Variants in C8orf58 observed in about 807,000 individuals in gnomAD.
C8orf58 encodes the protein uncharacterized protein C8orf58.
A neutral mutation model predicts 36.8 loss-of-function variants in C8orf58; 31 were observed. That is an observed-to-expected ratio of 0.84 (90% CI 0.63 to 1.14). The LOEUF (loss-of-function observed/expected upper bound fraction) is 1.14, where lower values mean the gene tolerates loss of function less well. Ranked by LOEUF, C8orf58 falls within the 50% of genes most tolerant of loss-of-function variation. The pLI is 0.00. For missense variants in C8orf58, 538 were observed against 480.8 expected, an observed-to-expected ratio of 1.12 and a Z score of -1.11; for synonymous variants, 230 against 200.2, an observed-to-expected ratio of 1.15 and a Z score of -1.26.
In C8orf58 at chr8:22,601,114, G is replaced by A; in HGVS notation, c.273G>A (p.Leu91=). The change falls in exon 2 of 7, where the codon CTG becomes CTA. Residue 91 remains leucine (L), a synonymous_variant. Transcript: ENST00000289989. ...TACCGGGCCTTTCTCAGGACTCCCT[G>A]GACTTTGAATCCTCAGGGAGTTCTG... The part of the protein sequence containing the change: ...AALPGLSQDS[L]DFESSGSSEP... 1 of 1,612,314 alleles carries A rather than the reference G, an allele frequency of 6.2e-7. No homozygotes were observed. Among genetic ancestry groups the A allele is most frequent in the South Asian group, 1.1e-5 (1 of 91,046 alleles).
intron 6 of C8orf58, 151 bp from the exon 7 acceptor site, chr8:22,603,044 C>T: frequency 1.6e-6 from 1 of 630,130 alleles, no homozygotes; most frequent in Non-Finnish European, 2.8e-6. Flanking sequence ...GAATCGTTCT[C>T]CAGGAGGAAG....
In C8orf58 at chr8:22,600,862, G is replaced by A. The variant is rs978364857; in HGVS notation, c.41-20G>A. The A allele has an allele frequency of 1.3e-5, 21 of 1,574,300 alleles. No homozygotes were observed. Among genetic ancestry groups the A allele is most frequent in the Non-Finnish European group, 1.8e-5 (21 of 1,160,626 alleles). On this transcript the variant is annotated intron_variant, in intron 1 of 6. Coordinates refer to ENST00000289989, the MANE Select transcript of C8orf58 (RefSeq NM_001013842.3). Reference sequence around the variant, plus strand: ...GTGTTGGGGGTGGCCTGCCCAGCCTGACGCTGACTCTCCATGCAGATGGGG... The same window carrying A: ...GTGTTGGGGGTGGCCTGCCCAGCCTAACGCTGACTCTCCATGCAGATGGGG...
intron 1 of C8orf58, chr8:22,600,507 C>T (rs1237409723): frequency 1.2e-5 from 3 of 245,832 alleles, no homozygotes; most frequent in South Asian, 6.0e-5. Flanking sequence ...AAGCTGGATA[C>T]AGTCCTACTC....
chr8:22,603,159 C>T, intron 6 of C8orf58, 36 bp from the exon 7 acceptor site: 2 of 1,473,272 alleles, frequency 1.4e-6, no homozygotes, highest in Non-Finnish European at 1.9e-6. Context: ...GTTTTATTTC[C>T]CCCTTCTAGC....
intron 1 of C8orf58, 182 bp downstream of exon 1, chr8:22,599,942 G>A: frequency 2.7e-6 from 1 of 369,662 alleles, no homozygotes; most frequent in Non-Finnish European, 4.8e-6. Context: ...ACGCCATGCA[G>A]GCTGGAACCC....
rs778491158 is a variant in C8orf58, at chr8:22,601,085, G to A, written c.244G>A (p.Ala82Thr). 2.4e-5 allele frequency: 38 copies of A among 1,612,472 alleles called. No individual in the cohort carries two copies. The highest frequency in any genetic ancestry group is 3.2e-5 in the Non-Finnish European group (38 of 1,180,010). Residue 82 changes from alanine (A) to threonine (T), a missense_variant, in exon 2 of 7, where the codon GCC becomes ACC. Coordinates refer to ENST00000289989, the MANE Select transcript of C8orf58 (RefSeq NM_001013842.3). ...GGCAGTTGGGGACAGCCCCCTGGCC[G>A]CCTTACCGGGCCTTTCTCAGGACTC... Reference protein sequence around the residue: ...EMAVGDSPLAALPGLSQDSLD... With the variant: ...EMAVGDSPLATLPGLSQDSLD...
At chr8:22,602,830 G>GT in intron 6 of C8orf58, 187 bp downstream of exon 6, 1 of 586,048 alleles carries the variant, frequency 1.7e-6, no homozygotes, top group South Asian at 2.2e-5. Context: ...TCTGGGTGGG[G>GT]TTGGGGGTAG....
intron 1 of C8orf58, 133 bp from the exon 2 acceptor site, chr8:22,600,749 G>A (rs1382904870): frequency 9.9e-6 from 7 of 704,068 alleles, no homozygotes; most frequent in Non-Finnish European, 1.6e-5. Flanking sequence ...TATCCGGGCT[G>A]CCCGTGGCTG....
At chr8:22,601,946 T>A (rs1016385124) in intron 3 of C8orf58, 26 bp from the exon 4 acceptor site, 4 of 1,544,836 alleles carry the variant, frequency 2.6e-6, no homozygotes, top group African/African-American at 1.4e-5. Context: ...AGCCAGGCCC[T>A]GATCACCTGT....
chr8:22,599,747 C>G lies in C8orf58; in HGVS notation c.27C>G (p.Ala9=). 1 of 1,219,520 alleles carries G rather than the reference C, an allele frequency of 8.2e-7. No individual in the cohort carries two copies. Among genetic ancestry groups the G allele is most frequent in the Non-Finnish European group, 1.0e-6 (1 of 980,044 alleles). 75.5% of individuals were successfully genotyped at this position (1,219,520 alleles called of 1,614,324 possible). Residue 9 remains alanine (A), a synonymous_variant, in exon 1 of 7, where the codon GCC becomes GCG. Transcript: ENST00000289989. MMGRRRAF[A]VDGRDGAGEG... is the part of the protein sequence containing the mutation. ...TGATGGGCCGGCGGCGCGCCTTCGCCGTGGACGGCCGGGGTGAGTCACCCA... is the reference window on the plus strand; with the variant it reads ...TGATGGGCCGGCGGCGCGCCTTCGCGGTGGACGGCCGGGGTGAGTCACCCA...
At position 22,599,655 on chromosome 8, in the gene C8orf58, C is replaced by T; in HGVS notation, c.-66C>T. On this transcript the variant is annotated 5_prime_UTR_variant, in exon 1 of 7. Coordinates refer to ENST00000289989, the MANE Select transcript of C8orf58 (RefSeq NM_001013842.3). ...ACGCGCTCCCTGAGCTGCCCGAGCT[C>T]CGCGGGGACTCGGGCCGGGATCCTC... 1 of 955,312 alleles carries T rather than the reference C, an allele frequency of 1.0e-6. No individual in the cohort carries two copies. The highest frequency in any genetic ancestry group is 1.3e-6 in the Non-Finnish European group (1 of 746,286). 59.2% of individuals were successfully genotyped at this position (955,312 alleles called of 1,614,324 possible). A position where few individuals can be genotyped will look rare whatever the true frequency, so the allele number is the denominator to read the frequency against.
chr8:22,601,443 G>GAGTGCCCCACC, intron 2 of C8orf58, 86 bp downstream of exon 2: 2 of 1,159,496 alleles, frequency 1.7e-6, no homozygotes, highest in Non-Finnish European at 2.4e-6. Context: ...TCTGGGTGGG[G>GAGTGCCCCACC]CACTCCCTGC....
chr8:22,601,670 C>T, intron 2 of C8orf58, 42 bp from the exon 3 acceptor site: 1 of 1,564,060 alleles, frequency 6.4e-7, no homozygotes. Context: ...AGGGCAGGAG[C>T]CCTACTGGCT....
At position 22,602,301 on chromosome 8, in the gene C8orf58, C is replaced by T. The variant is rs2117392949; in HGVS notation, c.868C>T (p.Gln290Ter). Residue 290 changes from glutamine (Q) to a stop codon, truncating the protein, a stop_gained, in exon 5 of 7, where the codon CAG (glutamine) becomes TAG (stop). Transcript: ENST00000289989. LOFTEE classifies it high-confidence loss of function. ...VEPTYHLPSS[Q>*]GHKRDISHWD... is the part of the protein sequence containing the mutation. ...GCCAACGTACCACTTGCCATCCTCC[C>T]AGGGACACAAGGTAGGGGACAGGTA... 4 of 1,588,820 alleles carry T rather than the reference C, an allele frequency of 2.5e-6. No individual in the cohort carries two copies. In the South Asian group the frequency reaches 4.5e-5, roughly 18 times the overall value.
At chr8:22,602,340 T>C (rs1232812122) in intron 5 of C8orf58, 28 bp downstream of exon 5, 1 of 223,908 alleles carries the variant, frequency 4.5e-6, no homozygotes. Context: ...GTGGGGCAGG[T>C]GGTGGGCTGG....
At position 22,601,093 on chromosome 8, in the gene C8orf58, G is replaced by A. The variant is rs757194612; in HGVS notation, c.252G>A (p.Pro84=). The A allele has an allele frequency of 8.7e-6, 14 of 1,612,448 alleles. No individual in the cohort carries two copies. In the East Asian group the frequency reaches 1.1e-4, roughly 13 times the overall value. ...AVGDSPLAAL[P]GLSQDSLDFE... ...GGGACAGCCCCCTGGCCGCCTTACC[G>A]GGCCTTTCTCAGGACTCCCTGGACT... Residue 84 remains proline, a synonymous_variant, in exon 2 of 7, where the codon CCG becomes CCA. Transcript: ENST00000289989.
chr8:22,603,596 TG>T lies in C8orf58; in HGVS notation c.*292del. 1 of 486,772 alleles carries T rather than the reference TG, an allele frequency of 2.1e-6. No individual in the cohort carries two copies. The highest frequency in any genetic ancestry group is 3.8e-6 in the Non-Finnish European group (1 of 265,150). 30.2% of individuals were successfully genotyped at this position (486,772 alleles called of 1,614,324 possible). ...TTGTCAGGTGTCCGTGGAGTGTTTT[TG>T]GCATGGTGACCTGTCTGGGCCCAGC... On this transcript the variant is annotated 3_prime_UTR_variant, in exon 7 of 7. Transcript: ENST00000289989.
intron 5 of C8orf58, 36 bp downstream of exon 5, chr8:22,602,348 T>C (rs1160605261): frequency 2.9e-5 from 4 of 136,992 alleles, no homozygotes; most frequent in Non-Finnish European, 6.1e-5. Flanking sequence ...GGTGGTGGGC[T>C]GGGGTGGGGG....
chr8:22,599,874 C>G, intron 1 of C8orf58, 114 bp downstream of exon 1: 1 of 458,222 alleles, frequency 2.2e-6, no homozygotes, highest in Non-Finnish European at 3.4e-6. Flanking sequence ...ACCCCGCGGG[C>G]GGAGCCCGCG....
Sources: allele counts gnomAD v4.1 joint callset, GRCh38; gene constraint gnomAD v4.1.1; transcripts MANE v1.5; gene names NCBI Gene and HGNC (gene_info 2026-07-23, HGNC 2026-07-21).